NF1: variants seen among roughly 807,000 people sequenced by gnomAD.
NF1 encodes neurofibromin.
A neutral mutation model predicts 325.7 loss-of-function variants in NF1; 122 were observed. That is an observed-to-expected ratio of 0.37 (90% confidence interval 0.32 to 0.44). The LOEUF is 0.44. NF1 is among the 20% of genes least tolerant of loss of function. The pLI, the probability that NF1 is intolerant of heterozygous loss-of-function variation, is 1.00. For missense variants in NF1, 2,140 were observed against 3,415.4 expected (o/e 0.63, Z 9.31); for synonymous variants, 1,091 against 1,186.0 (o/e 0.92, Z 1.65).
At chr17:31,234,334 G>A (rs1043385800) in intron 27 of NF1, among the ~76,000 whole-genome samples, 2 of 152,092 alleles carry the variant, frequency 1.3e-5, no homozygotes, top group Admixed American at 6.5e-5. Context: ...TATCTTATTA[G>A]CATCTACCTA....
Position 31,219,079 on chromosome 17 carries a change from T to G in NF1, c.1602T>G (p.Pro534=), listed in dbSNP as rs1205604823. ...TTACAGGGCTCGTCCAACTGGTCCC[T>G]CAGTCACACATGCCAGAGATTGCTC... The part of the protein sequence containing the change: ...ELITGLVQLV[P]QSHMPEIAQE... Residue 534 remains proline (P), a synonymous_variant, in exon 14 of 58, where the codon CCT becomes CCG. Coordinates refer to ENST00000358273, the MANE Select transcript of NF1 (RefSeq NM_001042492.3). The G allele has an allele frequency of 6.2e-7, 1 of 1,613,824 alleles. No homozygotes were observed. Among genetic ancestry groups the G allele is most frequent in the South Asian group, 1.1e-5 (1 of 90,996 alleles).
intron 54 of NF1, 114 bp downstream of exon 54, chr17:31,357,483 T>G: frequency 2.4e-6 from 2 of 831,704 alleles, no homozygotes; most frequent in Middle Eastern, 4.4e-4. Flanking sequence ...GTGATAGTGA[T>G]TTTAGCTTTG....
chr17:31,207,911 G>A (rs77853671), intron 12 of NF1, among the ~76,000 whole-genome samples: 9,118 of 152,034 alleles, frequency 0.06, 613 homozygotes, highest in African/African-American at 0.16. Flanking sequence ...ACTTGTTGGG[G>A]GGTTAATATT....
chr17:31,313,127 G>A (rs879753824), intron 36 of NF1, among the ~76,000 whole-genome samples: 3 of 152,022 alleles, frequency 2.0e-5, no homozygotes, highest in Non-Finnish European at 2.9e-5. Flanking sequence ...AATAAAGCAT[G>A]TATAATAATA....
intron 11 of NF1, among the ~76,000 whole-genome samples, chr17:31,202,857 G>A (rs576398429): frequency 1.3e-5 from 2 of 152,174 alleles, no homozygotes; most frequent in African/African-American, 4.8e-5. Flanking sequence ...GTACCTTCAA[G>A]GTTTACTTTC....
intron 36 of NF1, among the ~76,000 whole-genome samples, chr17:31,322,501 CAAAAAAAAAAAAAAAAAAAAA>C (rs573045083): frequency 8.9e-5 from 4 of 44,744 alleles, no homozygotes; most frequent in East Asian, 1.1e-3. Context: ...GACTCTGTCT[CAAAAAAAAAAAAAAAAAAAAA>C]AAAAAAAAAA....
Position 31,181,150 on chromosome 17 carries a change from G to C in NF1, c.587-272G>C, listed in dbSNP as rs17885753. Among the ~76,000 whole-genome samples the C allele has an allele frequency of 3.6e-3, 542 of 152,246 alleles. 6 individuals carry two copies. The highest frequency in any genetic ancestry group is 0.012 in the African/African-American group (515 of 41,540). On this transcript the variant is annotated intron_variant, in intron 5 of 57. Transcript: ENST00000358273. ...CATGGATAGGAGGAACCAATATCCT[G>C]TATGTGTTTTATACTTTTTTTTGAA...
chr17:31,360,410 A>G (rs2070370877), intron 56 of NF1, 77 bp from the exon 57 acceptor site: 1 of 1,263,016 alleles, frequency 7.9e-7, no homozygotes, highest in East Asian at 2.3e-5. Context: ...AGTCCAAACA[A>G]AATTAATATT....
chr17:31,182,402 C>T, intron 7 of NF1, 106 bp from the exon 8 acceptor site: 2 of 1,056,486 alleles, frequency 1.9e-6, no homozygotes, highest in Non-Finnish European at 1.4e-6. Context: ...CCATGTTTAT[C>T]TTTTAAAAAT....
intron 49 of NF1, 147 bp downstream of exon 49, chr17:31,349,398 GAGA>G: frequency 1.3e-6 from 1 of 769,444 alleles, no homozygotes; most frequent in Non-Finnish European, 2.0e-6. Flanking sequence ...TTACAATTTT[GAGA>G]GTTTTGCCAG....
At chr17:31,223,887 C>T (rs2066969114) in intron 16 of NF1, among the ~76,000 whole-genome samples, 1 of 152,160 alleles carries the variant, frequency 6.6e-6, no homozygotes, top group African/African-American at 2.4e-5. Context: ...TATCTTTACT[C>T]TTAAGTTCAT....
At chr17:31,359,134 CAT>C (rs2070344083) in intron 56 of NF1, 119 bp downstream of exon 56, 8 of 837,056 alleles carry the variant, frequency 9.6e-6, no homozygotes, top group Admixed American at 4.9e-5. Flanking sequence ...ACAATAAACA[CAT>C]ATGTTACTTT....
intron 1 of NF1, among the ~76,000 whole-genome samples, chr17:31,105,588 C>G (rs1220533100): frequency 6.6e-6 from 1 of 152,036 alleles, no homozygotes; most frequent in Non-Finnish European, 1.5e-5. Context: ...GATCTGGGCT[C>G]ACTGCAACCT....
intron 35 of NF1, among the ~76,000 whole-genome samples, chr17:31,262,509 G>A (rs893069569): frequency 1.8e-4 from 27 of 152,134 alleles, no homozygotes; most frequent in South Asian, 2.1e-4. Context: ...GTGCTCCTTC[G>A]TGTCTGTGAT....
At chr17:31,118,413 G>C (rs1914140677) in intron 1 of NF1, among the ~76,000 whole-genome samples, 1 of 151,876 alleles carries the variant, frequency 6.6e-6, no homozygotes, top group South Asian at 2.1e-4. Context: ...TCTACCTTAG[G>C]TATTTCTCCT....
rs975843462 is a variant in NF1, at chr17:31,236,038, C to T, written c.3974+17C>T. On this transcript the variant is annotated intron_variant, in intron 29 of 57. Transcript: ENST00000358273. ...TCCTACCAGGTTTGTCATCTTTTCA[C>T]ATAGAACCGCTGTTTTTTGTTTTTT... The T allele has an allele frequency of 1.3e-6, 2 of 1,561,218 alleles. No homozygotes were observed. The highest frequency in any genetic ancestry group is 1.8e-6 in the Non-Finnish European group (2 of 1,141,410).
intron 36 of NF1, among the ~76,000 whole-genome samples, chr17:31,307,011 T>TA (rs1368786414): frequency 1.3e-5 from 2 of 151,690 alleles, no homozygotes; most frequent in Non-Finnish European, 2.9e-5. Context: ...GAAAAAAAGC[T>TA]AAAAAATAAT....
chr17:31,296,471 T>G, intron 36 of NF1: 2 of 818,818 alleles, frequency 2.4e-6, no homozygotes, highest in Non-Finnish European at 4.2e-6. Flanking sequence ...TTCCAGTGAT[T>G]AAACTAACAA....
chr17:31,117,758 A>C (rs1050587412), intron 1 of NF1, among the ~76,000 whole-genome samples: 1 of 150,136 alleles, frequency 6.7e-6, no homozygotes, highest in African/African-American at 2.4e-5. Context: ...GAATGAATGA[A>C]TATATGAAAT....
Sources: allele counts gnomAD v4.1 joint callset (sites outside exome capture counted in the v4.1 genomes callset), GRCh38; gene constraint gnomAD v4.1.1; transcripts MANE v1.5; gene names NCBI Gene and HGNC (gene_info 2026-07-23, HGNC 2026-07-21).